Variants in RBFOX1 observed in about 807,000 individuals in gnomAD.
The protein encoded by RBFOX1 is RNA binding fox-1 homolog 1.
In RBFOX1, 8 loss-of-function variants were observed where a neutral mutation model predicts 57.7. That is an observed-to-expected ratio of 0.14 (90% CI 0.08 to 0.25). The LOEUF (loss-of-function observed/expected upper bound fraction) is 0.25. Ranked by LOEUF, RBFOX1 falls within the 10% of genes least tolerant of loss-of-function variation. RBFOX1 has a pLI of 1.00. For missense variants in RBFOX1, 611 were observed against 548.5 expected (o/e 1.11, Z -1.14); for synonymous variants, 326 against 222.4 (o/e 1.47, Z -4.15).
chr16:6,742,677 A>G (rs574250977), intron 3 of RBFOX1, among the ~76,000 whole-genome samples: 1 of 152,200 alleles, frequency 6.6e-6, no homozygotes, highest in African/African-American at 2.4e-5. Flanking sequence ...CTATCGATAT[A>G]CACAACACCT....
At chr16:7,080,205 G>A (rs1436936456) in intron 4 of RBFOX1, among the ~76,000 whole-genome samples, 2 of 151,628 alleles carry the variant, frequency 1.3e-5, no homozygotes, top group African/African-American at 4.9e-5. Context: ...TTTGTTTTTG[G>A]GAGTCACAAG....
intron 1 of RBFOX1, among the ~76,000 whole-genome samples, chr16:5,251,661 G>T (rs1434951845): frequency 6.6e-6 from 1 of 152,184 alleles, no homozygotes; most frequent in East Asian, 1.9e-4. Flanking sequence ...AACAGTGGCT[G>T]CTTGGAGTGA....
intron 3 of RBFOX1, among the ~76,000 whole-genome samples, chr16:7,021,083 G>A (rs1026776751): frequency 6.6e-6 from 1 of 152,108 alleles, no homozygotes; most frequent in Non-Finnish European, 1.5e-5. Flanking sequence ...AGCCCAGGTC[G>A]TGCTACTGCA....
chr16:6,755,871 T>A (rs1486486548), intron 3 of RBFOX1, among the ~76,000 whole-genome samples: 1 of 152,156 alleles, frequency 6.6e-6, no homozygotes, highest in Admixed American at 6.6e-5. Flanking sequence ...AAATTGACTT[T>A]TTGAGAATGT....
At chr16:5,903,008 C>T (rs530134531) in intron 4 of RBFOX1, among the ~76,000 whole-genome samples, 146 of 152,230 alleles carry the variant, frequency 9.6e-4, no homozygotes, top group Admixed American at 1.9e-3. Flanking sequence ...CAAACGTGTG[C>T]ACCCCTTTCC....
intron 1 of RBFOX1, among the ~76,000 whole-genome samples, chr16:5,412,421 G>A (rs572195336): frequency 2.0e-5 from 3 of 152,280 alleles, no homozygotes; most frequent in Non-Finnish European, 2.9e-5. Context: ...TTATGGGCTC[G>A]TGATGGTTGT....
At chr16:6,490,560 T>C (rs1196417145) in intron 2 of RBFOX1, among the ~76,000 whole-genome samples, 1 of 152,228 alleles carries the variant, frequency 6.6e-6, no homozygotes, top group Non-Finnish European at 1.5e-5. Flanking sequence ...GCTTACTATT[T>C]ATTGCCCTGC....
In RBFOX1 at chr16:7,567,184, A is replaced by G. The variant is rs28430319; in HGVS notation, c.271-12593A>G. Among the ~76,000 whole-genome samples the G allele has an allele frequency of 1.8e-4, 14 of 76,708 alleles. 1 individual carries two copies. Among genetic ancestry groups the G allele is most frequent in the African/African-American group, 6.3e-4 (14 of 22,362 alleles). The allele number at this position is 76,708 out of a possible 152,430, so 50.3% of individuals were successfully genotyped here. A position where few individuals can be genotyped will look rare whatever the true frequency, so the allele number is the denominator to read the frequency against. On this transcript the variant is annotated intron_variant, in intron 5 of 15. Coordinates refer to ENST00000550418, the MANE Select transcript of RBFOX1 (RefSeq NM_018723.4). ...ATATCCATATATATATCCCTATATAAATATCCATATATATATCCCTATATA... is the reference window on the plus strand; with the variant it reads ...ATATCCATATATATATCCCTATATAGATATCCATATATATATCCCTATATA...
chr16:6,157,293 G>A (rs2096845235), intron 1 of RBFOX1, among the ~76,000 whole-genome samples: 1 of 152,072 alleles, frequency 6.6e-6, no homozygotes, highest in South Asian at 2.1e-4. Flanking sequence ...GGTAAGCCCA[G>A]AAACCATTTG....
intron 2 of RBFOX1, among the ~76,000 whole-genome samples, chr16:6,352,612 C>G (rs2086608704): frequency 1.3e-5 from 2 of 152,178 alleles, no homozygotes; most frequent in African/African-American, 2.4e-5. Flanking sequence ...TTTATCCTGT[C>G]CTTGCTTTGG....
intron 2 of RBFOX1, among the ~76,000 whole-genome samples, chr16:6,516,897 G>A (rs562481694): frequency 2.0e-5 from 3 of 152,292 alleles, no homozygotes; most frequent in African/African-American, 7.2e-5. Context: ...AAGAGCCCCA[G>A]TCTTGGCACC....
At chr16:7,151,073 C>G (rs572773076) in intron 4 of RBFOX1, among the ~76,000 whole-genome samples, 1 of 152,156 alleles carries the variant, frequency 6.6e-6, no homozygotes, top group African/African-American at 2.4e-5. Flanking sequence ...ATGACAGAGG[C>G]TGTTAAGTGT....
chr16:6,416,424 T>C (rs1200906969), intron 2 of RBFOX1, among the ~76,000 whole-genome samples: 1 of 152,198 alleles, frequency 6.6e-6, no homozygotes, highest in East Asian at 1.9e-4. Context: ...GGACAAATTT[T>C]TGCTTTTCTC....
At chr16:6,873,844 G>A (rs968742913) in intron 3 of RBFOX1, 2 of 152,206 alleles carry the variant, frequency 1.3e-5, no homozygotes, top group East Asian at 3.9e-4. Flanking sequence ...GAAACATTAA[G>A]TAACTTGCAT....
At chr16:6,207,192 C>G (rs2152840918) in intron 1 of RBFOX1, among the ~76,000 whole-genome samples, 1 of 152,294 alleles carries the variant, frequency 6.6e-6, no homozygotes, top group Non-Finnish European at 1.5e-5. Flanking sequence ...GTTTCCCTGT[C>G]TTTTCCCTTT....
intron 3 of RBFOX1, among the ~76,000 whole-genome samples, chr16:6,934,367 A>G (rs759250423): frequency 2.1e-4 from 32 of 152,070 alleles, no homozygotes; most frequent in Non-Finnish European, 4.1e-4. Context: ...ATATGTGAGT[A>G]TTTTTTTACA....
Position 6,217,174 on chromosome 16 carries a change from C to CTTTTT in RBFOX1, c.-126-99807_-126-99803dup, listed in dbSNP as rs71142697. On this transcript the variant is annotated intron_variant, in intron 1 of 15. Transcript: ENST00000550418. ...CTCGTGTCTATTCATTTAGGGGATT[C>CTTTTT]TTTTTTTTTTTTTTTTTTGTAGAAT... Among the ~76,000 whole-genome samples, 56 of 119,062 alleles carry CTTTTT rather than the reference C, an allele frequency of 4.7e-4. 2 individuals are homozygous for CTTTTT. The highest frequency in any genetic ancestry group is 5.6e-4 in the South Asian group (2 of 3,596). 78.1% of individuals were successfully genotyped at this position (119,062 alleles called of 152,430 possible). A position where few individuals can be genotyped will look rare whatever the true frequency, so the allele number is the denominator to read the frequency against.
chr16:7,169,079 T>G (rs897674194), intron 4 of RBFOX1, among the ~76,000 whole-genome samples: 1 of 152,202 alleles, frequency 6.6e-6, no homozygotes, highest in African/African-American at 2.4e-5. Context: ...AGGGAGGAAG[T>G]AGGCAAATCA....
chr16:6,679,793 G>T (rs1055585609), intron 3 of RBFOX1, among the ~76,000 whole-genome samples: 9 of 149,828 alleles, frequency 6.0e-5, no homozygotes, highest in Non-Finnish European at 1.3e-4. Flanking sequence ...TTCAAGTTCA[G>T]TTTGTCCAGT....
Sources: gnomAD v4.1 joint callset for allele counts (sites outside exome capture counted in the v4.1 genomes callset) on GRCh38, gnomAD v4.1.1 for gene constraint, MANE v1.5 for transcripts, NCBI Gene and HGNC (gene_info 2026-07-23, HGNC 2026-07-21) for gene names.